The following PCDHA10 variants were observed in gnomAD, a reference collection of about 807,000 sequenced individuals.
PCDHA10 encodes the protein protocadherin alpha 10.
In PCDHA10, 45 loss-of-function variants were observed where a neutral mutation model predicts 61.2. That is an observed-to-expected ratio of 0.74 (90% CI 0.58 to 0.94). The LOEUF (loss-of-function observed/expected upper bound fraction) is 0.94, where lower values mean the gene tolerates loss of function less well. Among genes scored for constraint, PCDHA10 ranks in the 40% least tolerant of loss-of-function variants. PCDHA10 has a pLI of 0.00. For synonymous variants in PCDHA10, 602 were observed against 548.8 expected, an observed-to-expected ratio of 1.10 and a Z score of -1.35; for missense variants, 1,278 against 1,236.2, an observed-to-expected ratio of 1.03 and a Z score of -0.51.
intron 1 of PCDHA10, chr5:140,871,371 G>T: frequency 6.2e-7 from 1 of 1,614,202 alleles, no homozygotes; most frequent in Non-Finnish European, 8.5e-7. Context: ...GGCGGCAGAG[G>T]GTGTGCTCTG....
At chr5:140,898,597 G>C (rs1452719602) in intron 1 of PCDHA10, among the ~76,000 whole-genome samples, 12 of 152,188 alleles carry the variant, frequency 7.9e-5, no homozygotes, top group Admixed American at 1.3e-4. Context: ...CTGTAGCCTT[G>C]TAGTATAGTT....
chr5:140,872,909 G>A (rs1214412416), intron 1 of PCDHA10, among the ~76,000 whole-genome samples: 7 of 152,076 alleles, frequency 4.6e-5, no homozygotes, highest in African/African-American at 1.7e-4. Flanking sequence ...GCTCTATCTT[G>A]TAATGCCTTA....
intron 1 of PCDHA10, among the ~76,000 whole-genome samples, chr5:140,888,361 C>G (rs1445087911): frequency 2.0e-5 from 3 of 152,156 alleles, no homozygotes; most frequent in Non-Finnish European, 4.4e-5. Flanking sequence ...CTACTGGCAT[C>G]TAATAATGGA....
At chr5:140,896,450 C>T (rs1009231622) in intron 1 of PCDHA10, among the ~76,000 whole-genome samples, 1 of 152,092 alleles carries the variant, frequency 6.6e-6, no homozygotes, top group East Asian at 1.9e-4. Flanking sequence ...GCAACCTCCA[C>T]CTCCTGGGTT....
At chr5:140,984,030 A>T (rs900763001) in intron 3 of PCDHA10, among the ~76,000 whole-genome samples, 17 of 152,330 alleles carry the variant, frequency 1.1e-4, no homozygotes, top group African/African-American at 3.6e-4. Context: ...AAGGGGAAAA[A>T]CATAAAATAG....
Position 140,856,651 on chromosome 5 carries a change from T to C in PCDHA10, c.603T>C (p.Arg201=), listed in dbSNP as rs1284108605. 10 of 1,598,112 alleles carry C rather than the reference T, an allele frequency of 6.3e-6. 1 individual carries two copies. The highest frequency in any genetic ancestry group is 6.9e-6 in the Non-Finnish European group (8 of 1,167,692). ...PVLVLRKLLD[R]EENPQLKLLL... is the part of the protein sequence containing the mutation. ...TTGTTCTGCGGAAGCTGCTGGATCG[T>C]GAAGAAAATCCTCAGCTAAAGTTGT... is the stretch of plus-strand genomic sequence containing the variant. The change falls in exon 1 of 4, where the codon CGT becomes CGC. Residue 201 remains arginine, a synonymous_variant. Coordinates refer to ENST00000307360, the MANE Select transcript of PCDHA10 (RefSeq NM_018901.4).
chr5:140,969,311 G>A (rs2096317598), intron 1 of PCDHA10: 2 of 1,614,050 alleles, frequency 1.2e-6, no homozygotes, highest in Non-Finnish European at 1.7e-6. Context: ...TCTCAAAAAT[G>A]AGGCTGTTTC....
Position 140,922,562 on chromosome 5 carries a change from T to A in PCDHA10, c.2389-56387T>A, listed in dbSNP as rs2080887973. Among the ~76,000 whole-genome samples, 4 of 152,188 alleles carry A rather than the reference T, an allele frequency of 2.6e-5. No individual in the cohort carries two copies. In the South Asian group the frequency reaches 8.3e-4, roughly 31 times the overall value. ...GGCAAGGTAAGGAGAAAAGTCAGGA[T>A]GACAAGTTGCCCTGTAGCCGCCAGT... On this transcript the variant is annotated intron_variant, in intron 1 of 3. Transcript: ENST00000307360.
chr5:140,993,256 A>C lies in PCDHA10; in HGVS notation c.2536+10693A>C, dbSNP rs1419636248. Among the ~76,000 whole-genome samples, 3 of 152,148 alleles carry C rather than the reference A, an allele frequency of 2.0e-5. No homozygotes were observed. In the East Asian group the frequency reaches 5.8e-4, roughly 29 times the overall value. On this transcript the variant is annotated intron_variant, in intron 3 of 3. Coordinates refer to ENST00000307360, the MANE Select transcript of PCDHA10 (RefSeq NM_018901.4). The stretch of plus-strand genomic sequence containing the variant: ...CTGAATCTGGGGATTTAGATATATA[A>C]ATTAGCTTCTTTGGTCTTTTCTTGC...
At chr5:140,889,159 A>G (rs1392016642) in intron 1 of PCDHA10, among the ~76,000 whole-genome samples, 1 of 151,652 alleles carries the variant, frequency 6.6e-6, no homozygotes, top group Non-Finnish European at 1.5e-5. Context: ...CTTCTTTGTT[A>G]AGTATTCAAG....
chr5:140,988,363 C>T (rs782342714), intron 3 of PCDHA10, among the ~76,000 whole-genome samples: 25 of 152,132 alleles, frequency 1.6e-4, no homozygotes, highest in Admixed American at 4.6e-4. Context: ...CTTTTACTTT[C>T]TGGGGTTGTG....
intron 3 of PCDHA10, among the ~76,000 whole-genome samples, chr5:140,998,571 T>G (rs2097822082): frequency 1.0e-5 from 1 of 96,286 alleles, no homozygotes; most frequent in African/African-American, 3.7e-5. Flanking sequence ...GTAAATAAGT[T>G]TTTTTTTTTT....
At position 140,858,433 on chromosome 5, in the gene PCDHA10, G is replaced by A; in HGVS notation, c.2385G>A (p.Arg795=). ...EDQSIGGDHS[R]KPRQPNPDWR... is the part of the protein sequence containing the mutation. Reference sequence around the variant, plus strand: ...AGTCTATTGGAGGGGACCACTCTAGGAAGGTGGGTTATTACGTTTTCATTT... The same window carrying A: ...AGTCTATTGGAGGGGACCACTCTAGAAAGGTGGGTTATTACGTTTTCATTT... The change falls in exon 1 of 4, where the codon AGG becomes AGA. Residue 795 remains arginine (R), a synonymous_variant. Transcript: ENST00000307360. 1.9e-6 allele frequency: 3 copies of A among 1,545,478 alleles called. No homozygotes were observed. The highest frequency in any genetic ancestry group is 2.6e-6 in the Non-Finnish European group (3 of 1,136,918).
intron 3 of PCDHA10, among the ~76,000 whole-genome samples, chr5:141,008,665 T>A (rs2098385671): frequency 6.6e-6 from 1 of 152,210 alleles, no homozygotes; most frequent in Non-Finnish European, 1.5e-5. Context: ...CACAATACTT[T>A]ACATATACTT....
At chr5:140,947,635 G>A (rs1170525936) in intron 1 of PCDHA10, among the ~76,000 whole-genome samples, 1 of 151,538 alleles carries the variant, frequency 6.6e-6, no homozygotes, top group African/African-American at 2.4e-5. Context: ...TCATCAGATC[G>A]TATGAACATA....
chr5:140,935,435 A>G (rs1268078110), intron 1 of PCDHA10, among the ~76,000 whole-genome samples: 1 of 152,256 alleles, frequency 6.6e-6, no homozygotes, highest in Non-Finnish European at 1.5e-5. Context: ...TCAGCACTAC[A>G]GAAATAATAT....
chr5:140,998,070 G>T (rs2097795700), intron 3 of PCDHA10, among the ~76,000 whole-genome samples: 1 of 152,050 alleles, frequency 6.6e-6, no homozygotes, highest in Admixed American at 6.6e-5. Context: ...AACAGACTTA[G>T]CCTCTGCAGT....
At chr5:140,933,501 G>A (rs1320553451) in intron 1 of PCDHA10, among the ~76,000 whole-genome samples, 2 of 151,978 alleles carry the variant, frequency 1.3e-5, no homozygotes, top group Non-Finnish European at 2.9e-5. Flanking sequence ...GAATTGTTAA[G>A]CAAAGACTAC....
intron 1 of PCDHA10, among the ~76,000 whole-genome samples, chr5:140,890,939 G>A (rs1236920048): frequency 6.6e-6 from 1 of 152,106 alleles, no homozygotes; most frequent in Admixed American, 6.6e-5. Flanking sequence ...GTCCAAAGAT[G>A]CTGGTGAGGA....
Sources: gnomAD v4.1 joint callset for allele counts (sites outside exome capture counted in the v4.1 genomes callset) on GRCh38, gnomAD v4.1.1 for gene constraint, MANE v1.5 for transcripts, NCBI Gene and HGNC (gene_info 2026-07-23, HGNC 2026-07-21) for gene names.